The following FMN1 variants were observed in gnomAD, a reference collection of about 807,000 sequenced individuals.
The protein encoded by FMN1 is formin 1, also known as formin-1.
In FMN1, 110 loss-of-function variants were observed where a neutral mutation model predicts 132.4. That is an observed-to-expected ratio of 0.83 (90% CI 0.71 to 0.97). The LOEUF (loss-of-function observed/expected upper bound fraction) is 0.97. Ranked by LOEUF, FMN1 falls within the 50% of genes least tolerant of loss-of-function variation. FMN1 has a pLI of 0.00. For synonymous variants in FMN1, 722 were observed against 651.7 expected (o/e 1.11, Z -1.64); for missense variants, 1,792 against 1,705.3 (o/e 1.05, Z -0.90).
At chr15:33,050,898 G>A (rs2036936826) in intron 6 of FMN1, among the ~76,000 whole-genome samples, 1 of 152,322 alleles carries the variant, frequency 6.6e-6, no homozygotes, top group African/African-American at 2.4e-5. Context: ...GAGGGAGAGT[G>A]CCCTGTATGC....
At chr15:33,140,758 T>C (rs1363368386) in intron 4 of FMN1, among the ~76,000 whole-genome samples, 1 of 152,048 alleles carries the variant, frequency 6.6e-6, no homozygotes, top group African/African-American at 2.4e-5. Context: ...AAGTTTATCG[T>C]GGAAACAGCA....
intron 6 of FMN1, among the ~76,000 whole-genome samples, chr15:33,027,869 A>C (rs1008718056): frequency 2.0e-4 from 30 of 152,194 alleles, no homozygotes; most frequent in Non-Finnish European, 5.9e-5. Context: ...CACAGCCAAA[A>C]TACAGTTGCT....
At chr15:32,922,667 C>CAAAAAGCTT (rs2060860695) in intron 10 of FMN1, among the ~76,000 whole-genome samples, 2 of 152,190 alleles carry the variant, frequency 1.3e-5, no homozygotes, top group South Asian at 4.1e-4. Flanking sequence ...ACACACAAAA[C>CAAAAAGCTT]TGTTATCAAG....
At chr15:33,087,005 C>T (rs1056417473) in intron 5 of FMN1, among the ~76,000 whole-genome samples, 3 of 152,200 alleles carry the variant, frequency 2.0e-5, no homozygotes, top group African/African-American at 7.2e-5. Flanking sequence ...AAGTAATGAG[C>T]CGGAGAACAC....
At chr15:33,121,713 G>C (rs201141696) in intron 4 of FMN1, among the ~76,000 whole-genome samples, 3 of 152,168 alleles carry the variant, frequency 2.0e-5, no homozygotes, top group African/African-American at 7.2e-5. Flanking sequence ...ATGTTTAGTA[G>C]AGACAAGATT....
chr15:32,906,608 T>G (rs1046338806), intron 12 of FMN1, among the ~76,000 whole-genome samples: 9 of 152,218 alleles, frequency 5.9e-5, no homozygotes, highest in Non-Finnish European at 1.2e-4. Context: ...ACTACCCAAG[T>G]GCTTTGATAT....
chr15:33,035,438 A>C (rs2036146210), intron 6 of FMN1, among the ~76,000 whole-genome samples: 1 of 152,190 alleles, frequency 6.6e-6, no homozygotes, highest in African/African-American at 2.4e-5. Context: ...CAGATAAAGA[A>C]CATCTGGCTC....
At chr15:32,953,328 G>C (rs2061693551) in intron 9 of FMN1, among the ~76,000 whole-genome samples, 1 of 152,154 alleles carries the variant, frequency 6.6e-6, no homozygotes, top group Non-Finnish European at 1.5e-5. Context: ...GCCCTAATCA[G>C]ATCAATCAGA....
chr15:33,126,842 C>T (rs1030539913), intron 4 of FMN1, among the ~76,000 whole-genome samples: 2 of 152,192 alleles, frequency 1.3e-5, no homozygotes, highest in African/African-American at 2.4e-5. Context: ...TCTTCTGGCT[C>T]TGAAACTTTG....
At chr15:33,114,241 A>G (rs2039824428) in intron 4 of FMN1, among the ~76,000 whole-genome samples, 1 of 152,206 alleles carries the variant, frequency 6.6e-6, no homozygotes, top group African/African-American at 2.4e-5. Flanking sequence ...ATGGGTTATT[A>G]TTTCTACAAG....
chr15:32,926,322 C>T (rs2060960288), intron 9 of FMN1, 61 bp from the exon 10 acceptor site: 16 of 929,894 alleles, frequency 1.7e-5, no homozygotes, highest in South Asian at 3.3e-5. Context: ...TCTTTCAGGA[C>T]GCACACCAAA....
At position 32,798,966 on chromosome 15, in the gene FMN1, G is replaced by C. The variant is rs779590461; in HGVS notation, c.3981-13C>G. On this transcript the variant is annotated splice_polypyrimidine_tract_variant and intron_variant, in intron 18 of 20. Coordinates refer to ENST00000616417, the MANE Select transcript of FMN1 (RefSeq NM_001277313.2). The stretch of plus-strand genomic sequence containing the variant: ...TGTTGTTTCAAAACTGCAACAGGTA[G>C]GGGGGAAAATGGAATGAGGTAGAGG... The C allele has an allele frequency of 1.2e-6, 2 of 1,611,574 alleles. No homozygotes were observed. Among genetic ancestry groups the C allele is most frequent in the Non-Finnish European group, 1.7e-6 (2 of 1,178,994 alleles).
At chr15:33,135,557 C>G (rs544788296) in intron 4 of FMN1, among the ~76,000 whole-genome samples, 7 of 152,278 alleles carry the variant, frequency 4.6e-5, no homozygotes, top group African/African-American at 1.7e-4. Context: ...ATGCACTGTC[C>G]TTCTGAAATA....
At chr15:32,979,169 C>T (rs2032442403) in intron 7 of FMN1, among the ~76,000 whole-genome samples, 2 of 152,104 alleles carry the variant, frequency 1.3e-5, no homozygotes, top group Admixed American at 1.3e-4. Flanking sequence ...AGAATGCAAA[C>T]AGGTTTTCAT....
At chr15:32,783,179 C>T (rs192539595) in intron 19 of FMN1, among the ~76,000 whole-genome samples, 2 of 152,112 alleles carry the variant, frequency 1.3e-5, no homozygotes, top group Admixed American at 1.3e-4. Flanking sequence ...GGTTATATGG[C>T]AATCCTTACA....
intron 6 of FMN1, among the ~76,000 whole-genome samples, chr15:33,060,408 C>A (rs1454787850): frequency 6.6e-6 from 1 of 152,148 alleles, no homozygotes; most frequent in East Asian, 1.9e-4. Flanking sequence ...AAATAGCTCT[C>A]ATTTTATAAT....
intron 9 of FMN1, among the ~76,000 whole-genome samples, chr15:32,928,325 CAA>C (rs376813184): frequency 2.2e-5 from 3 of 137,764 alleles, no homozygotes; most frequent in East Asian, 2.1e-4. Flanking sequence ...AAAGGAAAAG[CAA>C]AAAAAAAAGG....
chr15:33,137,931 G>A (rs991264641), intron 4 of FMN1, among the ~76,000 whole-genome samples: 2 of 152,184 alleles, frequency 1.3e-5, no homozygotes, highest in African/African-American at 4.8e-5. Flanking sequence ...TATTAGCTGG[G>A]TGACATGGGC....
intron 7 of FMN1, among the ~76,000 whole-genome samples, chr15:32,997,397 C>T (rs1224544678): frequency 6.6e-6 from 1 of 150,476 alleles, no homozygotes; most frequent in Non-Finnish European, 1.5e-5. Flanking sequence ...GTCTTTGACA[C>T]AGGACGAGAG....
Sources: gnomAD v4.1 joint callset for allele counts (sites outside exome capture counted in the v4.1 genomes callset) on GRCh38, gnomAD v4.1.1 for gene constraint, MANE v1.5 for transcripts, NCBI Gene and HGNC (gene_info 2026-07-23, HGNC 2026-07-21) for gene names.